Variants in SFXN5 observed in about 807,000 individuals in gnomAD.
SFXN5 encodes the protein sideroflexin-5.
A neutral mutation model predicts 50.2 loss-of-function variants in SFXN5; 43 were observed. The ratio of observed to expected loss-of-function variants is 0.86; its 90% CI spans 0.67 to 1.11. The LOEUF (loss-of-function observed/expected upper bound fraction) is 1.11. Among genes scored for constraint, SFXN5 ranks in the 50% least tolerant of loss-of-function variants. SFXN5 has a pLI of 0.00. For missense variants in SFXN5, 463 were observed against 454.1 expected, an observed-to-expected ratio of 1.02 and a Z score of -0.18; for synonymous variants, 203 against 185.8, an observed-to-expected ratio of 1.09 and a Z score of -0.75.
At chr2:73,046,798 T>C (rs1298149302) in intron 2 of SFXN5, among the ~76,000 whole-genome samples, 2 of 152,150 alleles carry the variant, frequency 1.3e-5, no homozygotes, top group East Asian at 3.8e-4. Context: ...ATTTAAAAAT[T>C]CCATCAAAGA....
intron 2 of SFXN5, among the ~76,000 whole-genome samples, chr2:73,046,408 C>CAAAAA (rs113423799): frequency 9.3e-6 from 1 of 108,096 alleles, no homozygotes. Context: ...GACTCCATCT[C>CAAAAA]AAAAAAAAAA....
At chr2:73,021,528 G>A (rs529425691) in intron 5 of SFXN5, among the ~76,000 whole-genome samples, 3 of 152,220 alleles carry the variant, frequency 2.0e-5, no homozygotes, top group South Asian at 2.1e-4. Context: ...AGTTCTTCAC[G>A]GCAAAGCCAG....
At chr2:73,057,023 G>A (rs1004181605) in intron 2 of SFXN5, among the ~76,000 whole-genome samples, 2 of 152,188 alleles carry the variant, frequency 1.3e-5, no homozygotes, top group Admixed American at 6.5e-5. Flanking sequence ...AAGAATCCAG[G>A]TGTTTATCAA....
chr2:72,997,060 C>T (rs1416948995), intron 9 of SFXN5: 1 of 152,218 alleles, frequency 6.6e-6, no homozygotes, highest in Non-Finnish European at 1.5e-5. Flanking sequence ...TCCTGCTGGG[C>T]TGCAGGACAA....
intron 9 of SFXN5, among the ~76,000 whole-genome samples, chr2:72,994,687 T>A (rs934221046): frequency 3.1e-4 from 47 of 151,628 alleles, no homozygotes; most frequent in Non-Finnish European, 5.7e-4. Flanking sequence ...CCCCACCCCT[T>A]CTCCTCCAGC....
chr2:72,952,318 T>C (rs1212765706), intron 13 of SFXN5, among the ~76,000 whole-genome samples: 2 of 152,248 alleles, frequency 1.3e-5, no homozygotes, highest in Non-Finnish European at 2.9e-5. Context: ...ACCAAATCCA[T>C]TGCTGCTGCC....
At position 72,971,586 on chromosome 2, in the gene SFXN5, T is replaced by C. The variant is rs372681038; in HGVS notation, c.725A>G (p.Lys242Arg). Residue 242 changes from lysine (K) to arginine (R), a missense_variant, in exon 11 of 14, where the codon AAG becomes AGG. Transcript: ENST00000272433. ...CAGACCCACGTGTCGGGCTGCGATC[T>C]TGGAGGAGCCCACGAGGTTGCCATC... The part of the protein sequence containing the change: ...DSDGNLVGSS[K>R]IAARHALLET... 61 of 1,613,744 alleles carry C rather than the reference T, an allele frequency of 3.8e-5. No homozygotes were observed. Among genetic ancestry groups the C allele is most frequent in the Non-Finnish European group, 5.0e-5 (59 of 1,179,880 alleles).
At chr2:73,011,175 T>G (rs1675452993) in intron 6 of SFXN5, among the ~76,000 whole-genome samples, 1 of 152,174 alleles carries the variant, frequency 6.6e-6, no homozygotes, top group Admixed American at 6.5e-5. Flanking sequence ...CACCTCAGCC[T>G]CCTGAGTAAC....
At chr2:72,990,733 G>T (rs757280440) in intron 9 of SFXN5, among the ~76,000 whole-genome samples, 1 of 152,202 alleles carries the variant, frequency 6.6e-6, no homozygotes, top group Non-Finnish European at 1.5e-5. Context: ...TGAACGCAGG[G>T]CCTGCTAATT....
In SFXN5 at chr2:72,942,094, T is replaced by C. The variant is rs1417129294; in HGVS notation, c.*2928A>G. ...ATTAGTATTACACAAATCACATAGA[T>C]TGAGAAATTTTCTGAGGTTAAAAAG... On this transcript the variant is annotated 3_prime_UTR_variant, in exon 14 of 14. Transcript: ENST00000272433. The C allele has an allele frequency of 3.3e-5, 5 of 152,158 alleles. No homozygotes were observed. Among genetic ancestry groups the C allele is most frequent in the Non-Finnish European group, 7.3e-5 (5 of 68,050 alleles). 9.4% of individuals were successfully genotyped at this position (152,158 alleles called of 1,614,324 possible).
chr2:73,031,457 C>T (rs1011532768), intron 3 of SFXN5, among the ~76,000 whole-genome samples: 1 of 143,264 alleles, frequency 7.0e-6, no homozygotes, highest in African/African-American at 3.0e-5. Context: ...AGCTGTTATA[C>T]AGGACAGAAA....
chr2:72,943,625 C>G lies in SFXN5; in HGVS notation c.*1397G>C, dbSNP rs1671646663. On this transcript the variant is annotated 3_prime_UTR_variant, in exon 14 of 14. Transcript: ENST00000272433. Reference sequence around the variant, plus strand: ...CGACACATGGGTATGGCCCCACCATCAGGCCCAGGCATCTATGTTACCTCC... The same window carrying G: ...CGACACATGGGTATGGCCCCACCATGAGGCCCAGGCATCTATGTTACCTCC... 1 of 152,804 alleles carries G rather than the reference C, an allele frequency of 6.5e-6. No homozygotes were observed. The allele number at this position is 152,804 out of a possible 1,614,324, so 9.5% of individuals were successfully genotyped here.
chr2:72,951,470 G>T (rs896190045), intron 13 of SFXN5, among the ~76,000 whole-genome samples: 7 of 152,178 alleles, frequency 4.6e-5, no homozygotes, highest in Non-Finnish European at 1.0e-4. Flanking sequence ...CACTGTGGGT[G>T]GGGGGCTAGA....
chr2:73,026,091 A>G (rs1161095528), intron 3 of SFXN5, among the ~76,000 whole-genome samples: 3 of 150,160 alleles, frequency 2.0e-5, no homozygotes, highest in Non-Finnish European at 4.4e-5. Flanking sequence ...GCTGAGAAGG[A>G]GGTCCCATTC....
At chr2:72,966,113 G>A (rs981754237) in intron 12 of SFXN5, among the ~76,000 whole-genome samples, 2 of 152,194 alleles carry the variant, frequency 1.3e-5, no homozygotes, top group Non-Finnish European at 2.9e-5. Flanking sequence ...GATGTGGTAC[G>A]TGGGTGGACG....
intron 1 of SFXN5, 180 bp downstream of exon 1, chr2:73,071,424 C>T: frequency 5.0e-6 from 3 of 596,792 alleles, no homozygotes; most frequent in Non-Finnish European, 2.9e-6. Flanking sequence ...TGGGAGTCCG[C>T]GCCCGCCCCG....
intron 2 of SFXN5, among the ~76,000 whole-genome samples, chr2:73,046,001 T>G (rs1015051661): frequency 1.3e-5 from 2 of 152,196 alleles, no homozygotes; most frequent in African/African-American, 4.8e-5. Flanking sequence ...TCCAGCAGCA[T>G]GACAGGCAGC....
At chr2:73,019,216 C>A (rs1161997080) in intron 6 of SFXN5, among the ~76,000 whole-genome samples, 2 of 152,058 alleles carry the variant, frequency 1.3e-5, no homozygotes, top group African/African-American at 4.8e-5. Context: ...ATATCAAGTT[C>A]AATAACAAGC....
chr2:73,018,438 T>C (rs1365384081), intron 6 of SFXN5, among the ~76,000 whole-genome samples: 1 of 151,586 alleles, frequency 6.6e-6, no homozygotes. Flanking sequence ...ATGACAAGAG[T>C]ACATTTTTAC....
Sources: allele counts gnomAD v4.1 joint callset (sites outside exome capture counted in the v4.1 genomes callset), GRCh38; gene constraint gnomAD v4.1.1; transcripts MANE v1.5; gene names NCBI Gene and HGNC (gene_info 2026-07-23, HGNC 2026-07-21).